FCHSD2: variants seen among roughly 807,000 people sequenced by gnomAD.
FCHSD2 encodes F-BAR and double SH3 domains protein 2.
In FCHSD2, 38 loss-of-function variants were observed where a neutral mutation model predicts 108.1. The observed-to-expected ratio is 0.35, with a 90% CI of 0.27 to 0.46. FCHSD2 has a LOEUF of 0.46. Ranked by LOEUF, FCHSD2 falls within the 20% of genes least tolerant of loss-of-function variation. The pLI is 1.00. For missense variants in FCHSD2, 751 were observed against 897.8 expected (o/e 0.84, Z 2.09); for synonymous variants, 279 against 314.7 (o/e 0.89, Z 1.20).
At chr11:73,102,711 C>T (rs777533816) in intron 2 of FCHSD2, among the ~76,000 whole-genome samples, 4 of 152,132 alleles carry the variant, frequency 2.6e-5, no homozygotes, top group Non-Finnish European at 2.9e-5. Flanking sequence ...TCTCTTTTTG[C>T]CCTTCTACCT....
At chr11:73,080,596 T>G (rs1859661471) in intron 3 of FCHSD2, among the ~76,000 whole-genome samples, 1 of 152,108 alleles carries the variant, frequency 6.6e-6, no homozygotes. Context: ...TTATTATAGG[T>G]AATCAAGTGA....
intron 10 of FCHSD2, among the ~76,000 whole-genome samples, chr11:72,890,232 G>T (rs181827318): frequency 6.6e-6 from 1 of 152,278 alleles, no homozygotes; most frequent in Admixed American, 6.5e-5. Context: ...TTATCTTTCC[G>T]AGTGGGAAGG....
At chr11:73,108,296 T>C (rs547219290) in intron 2 of FCHSD2, among the ~76,000 whole-genome samples, 10 of 152,370 alleles carry the variant, frequency 6.6e-5, no homozygotes, top group African/African-American at 2.4e-4. Context: ...TTACATATTC[T>C]AGTTACTAAT....
At chr11:73,069,450 C>T (rs1859381442) in intron 3 of FCHSD2, among the ~76,000 whole-genome samples, 1 of 149,798 alleles carries the variant, frequency 6.7e-6, no homozygotes, top group Admixed American at 6.7e-5. Flanking sequence ...TATATACATA[C>T]ATACATATAT....
intron 2 of FCHSD2, among the ~76,000 whole-genome samples, chr11:73,136,562 A>T (rs1565108157): frequency 1.3e-5 from 2 of 152,290 alleles, no homozygotes; most frequent in South Asian, 4.1e-4. Flanking sequence ...ATAATAATAA[A>T]AAAAATTATC....
intron 10 of FCHSD2, among the ~76,000 whole-genome samples, chr11:72,899,350 A>G (rs958076744): frequency 1.3e-5 from 2 of 152,244 alleles, no homozygotes; most frequent in Non-Finnish European, 2.9e-5. Flanking sequence ...TAGACATTTT[A>G]CCAAAGAAGA....
At chr11:73,027,714 C>A (rs1213277013) in intron 3 of FCHSD2, among the ~76,000 whole-genome samples, 1 of 152,258 alleles carries the variant, frequency 6.6e-6, no homozygotes, top group East Asian at 1.9e-4. Flanking sequence ...TCCCCGCCAT[C>A]ACAGGCCCAG....
rs552646398 is a variant in FCHSD2 at position 73,086,322 on chromosome 11, T to C, written c.120-2582A>G. 1.5e-3 allele frequency among the ~76,000 whole-genome samples: 221 copies of C among 152,184 alleles called. 1 individual carries two copies. Among genetic ancestry groups the C allele is most frequent in the Middle Eastern group, 3.4e-3 (1 of 294 alleles). On this transcript the variant is annotated intron_variant, in intron 2 of 19. Coordinates refer to ENST00000409418, the MANE Select transcript of FCHSD2 (RefSeq NM_014824.3). ...TACTCGGGAGGCTGAGGCAGGAGAA[T>C]TGCTTGAACCCAGAGGTGGGGGTAG...
intron 2 of FCHSD2, among the ~76,000 whole-genome samples, chr11:73,111,313 A>T (rs1860479640): frequency 6.6e-6 from 1 of 152,170 alleles, no homozygotes; most frequent in African/African-American, 2.4e-5. Context: ...GTACATATAT[A>T]TTTACAACTG....
chr11:73,046,518 G>C (rs1012541483), intron 3 of FCHSD2, among the ~76,000 whole-genome samples: 2 of 152,072 alleles, frequency 1.3e-5, no homozygotes, highest in Admixed American at 6.6e-5. Flanking sequence ...TGGTAAGATA[G>C]GATGCACCAC....
At chr11:73,110,867 G>A (rs1333219304) in intron 2 of FCHSD2, among the ~76,000 whole-genome samples, 3 of 151,880 alleles carry the variant, frequency 2.0e-5, no homozygotes, top group Non-Finnish European at 2.9e-5. Context: ...GGTATGTCAT[G>A]TTTCCATTAT....
At chr11:72,906,023 C>T (rs1855622421) in intron 9 of FCHSD2, among the ~76,000 whole-genome samples, 1 of 152,184 alleles carries the variant, frequency 6.6e-6, no homozygotes, top group Admixed American at 6.5e-5. Flanking sequence ...CACTGCCTTC[C>T]ACAATGGTTG....
chr11:73,038,031 T>G (rs1858541024), intron 3 of FCHSD2, among the ~76,000 whole-genome samples: 1 of 152,150 alleles, frequency 6.6e-6, no homozygotes, highest in African/African-American at 2.4e-5. Context: ...CACAAACAAG[T>G]CTTCTGCTAG....
At position 72,846,871 on chromosome 11, in the gene FCHSD2, G is replaced by C. The variant is rs138193944; in HGVS notation, c.1443+2884C>G. Among the ~76,000 whole-genome samples, 10 of 151,980 alleles carry C rather than the reference G, an allele frequency of 6.6e-5. No homozygotes were observed. In the East Asian group the frequency reaches 1.7e-3, roughly 26 times the overall value. ...TTTTAATTTAATATTAGGACATAAG[G>C]GTTTCTTCTTATATAGAAAAACTCT... On this transcript the variant is annotated intron_variant, in intron 14 of 19. Transcript: ENST00000409418.
chr11:73,100,334 TTTGTTGTTG>T (rs56104404), intron 2 of FCHSD2, among the ~76,000 whole-genome samples: 4,039 of 149,046 alleles, frequency 0.027, 114 homozygotes, highest in African/African-American at 0.068. Context: ...TTTACATGCT[TTTGTTGTTG>T]TTGTTGTTGT....
At chr11:72,923,942 A>AAAAT (rs1213587129) in intron 8 of FCHSD2, among the ~76,000 whole-genome samples, 6 of 152,046 alleles carry the variant, frequency 3.9e-5, no homozygotes, top group Non-Finnish European at 8.8e-5. Context: ...TCAGTCTCAG[A>AAAAT]AAATAAATAA....
intron 3 of FCHSD2, among the ~76,000 whole-genome samples, chr11:73,020,770 A>G (rs1565371228): frequency 6.6e-6 from 1 of 152,006 alleles, no homozygotes. Flanking sequence ...ATATAATAAT[A>G]TGTTCTATAT....
chr11:72,977,558 A>T (rs1449405590), intron 8 of FCHSD2, among the ~76,000 whole-genome samples: 2 of 152,270 alleles, frequency 1.3e-5, no homozygotes, highest in African/African-American at 2.4e-5. Flanking sequence ...GAGAAATGCA[A>T]ATCAAAACTA....
intron 4 of FCHSD2, among the ~76,000 whole-genome samples, chr11:73,007,952 GT>G (rs2135424918): frequency 6.6e-6 from 1 of 152,246 alleles, no homozygotes; most frequent in African/African-American, 2.4e-5. Flanking sequence ...TTATCTCAAA[GT>G]AAAAAGTGTT....
Sources: gnomAD v4.1 joint callset for allele counts (sites outside exome capture counted in the v4.1 genomes callset) on GRCh38, gnomAD v4.1.1 for gene constraint, MANE v1.5 for transcripts, NCBI Gene and HGNC (gene_info 2026-07-23, HGNC 2026-07-21) for gene names.